PI4KA: variants seen among roughly 807,000 people sequenced by gnomAD.
The protein encoded by PI4KA is PI4-kinase alpha.
In PI4KA, 122 loss-of-function variants were observed where a neutral mutation model predicts 271.4. The ratio of observed to expected loss-of-function variants is 0.45; its 90% CI spans 0.39 to 0.52. The LOEUF is 0.52. PI4KA is among the 20% of genes least tolerant of loss of function. The pLI is 0.00. For missense variants in PI4KA, 1,969 were observed against 2,769.1 expected (o/e 0.71, Z 6.48); for synonymous variants, 1,041 against 1,078.8 (o/e 0.96, Z 0.69).
chr22:20,826,028 T>A (rs1379051106), intron 3 of PI4KA, among the ~76,000 whole-genome samples: 5 of 152,146 alleles, frequency 3.3e-5, no homozygotes, highest in African/African-American at 1.2e-4. Context: ...GGTCTCCAGC[T>A]CCATCCATGT....
Position 20,742,315 on chromosome 22 carries a change from G to A in PI4KA, c.3654C>T (p.Pro1218=). Residue 1218 remains proline, a synonymous_variant, in exon 32 of 55, where the codon CCC becomes CCT. Coordinates refer to ENST00000255882, the MANE Select transcript of PI4KA (RefSeq NM_058004.4). ...TGCCATGCTCATTGAACATCCGGAG[G>A]GGACCCCAGCACAGATGATGAAGGA... ...PQLLHHLCWG[P]LRMFNEHGME... is the part of the protein sequence containing the mutation. 1.2e-6 allele frequency: 2 copies of A among 1,614,182 alleles called. No homozygotes were observed. Among genetic ancestry groups the A allele is most frequent in the Non-Finnish European group, 1.7e-6 (2 of 1,180,028 alleles).
chr22:20,764,659 G>T, intron 22 of PI4KA, 158 bp downstream of exon 22: 1 of 632,498 alleles, frequency 1.6e-6, no homozygotes, highest in Non-Finnish European at 2.6e-6. Flanking sequence ...ATGAAGGAGG[G>T]GCATACGAGA....
At position 20,791,470 on chromosome 22, in the gene PI4KA, A is replaced by G. The variant is rs376335294; in HGVS notation, c.2328+1723T>C. 2.0e-4 allele frequency among the ~76,000 whole-genome samples: 30 copies of G among 152,100 alleles called. No individual in the cohort carries two copies. The South Asian group carries it at 2.9e-3, about 15-fold the overall frequency. ...AATTTCTGTTTTGAAAAATCAACCA[A>G]TGGGGCCAGGCATGGTGGTTCACGC... is the stretch of plus-strand genomic sequence containing the variant. On this transcript the variant is annotated intron_variant, in intron 19 of 54. Coordinates refer to ENST00000255882, the MANE Select transcript of PI4KA (RefSeq NM_058004.4).
intron 9 of PI4KA, among the ~76,000 whole-genome samples, chr22:20,808,986 T>C (rs1935839942): frequency 6.6e-6 from 1 of 152,048 alleles, no homozygotes. Context: ...AAAAGAATCA[T>C]GTGGAGAGTG....
intron 1 of PI4KA, among the ~76,000 whole-genome samples, chr22:20,843,672 C>T (rs994489249): frequency 2.6e-5 from 4 of 152,160 alleles, no homozygotes; most frequent in Non-Finnish European, 5.9e-5. Flanking sequence ...CAAACGTTCA[C>T]TTTCAGGCAG....
At chr22:20,732,350 AGCCTGGGAGAACAGG>A in intron 36 of PI4KA, among the ~76,000 whole-genome samples, 1 of 152,348 alleles carries the variant, frequency 6.6e-6, no homozygotes, top group African/African-American at 2.4e-5. Flanking sequence ...ACTGCACTCT[AGCCTGGGAGAACAGG>A]GCATGGCCTC....
In PI4KA at chr22:20,709,277, A is replaced by AG. The variant is rs1568940222; in HGVS notation, c.6257+18dup. ...GGCCACCGAGGCAGTGGGAGAAGGC[A>AG]GGGGGGCGGGGCACTCACCTGTTGC... On this transcript the variant is annotated intron_variant, in intron 54 of 54. Transcript: ENST00000255882. 2 of 1,000,478 alleles carry AG rather than the reference A, an allele frequency of 2.0e-6. No homozygotes were observed. Among genetic ancestry groups the AG allele is most frequent in the Non-Finnish European group, 1.6e-6 (1 of 641,324 alleles). The allele number at this position is 1,000,478 out of a possible 1,614,324, so 62.0% of individuals were successfully genotyped here. A position where few individuals can be genotyped will look rare whatever the true frequency, so the allele number is the denominator to read the frequency against.
At chr22:20,775,466 G>A (rs922373583) in intron 19 of PI4KA, among the ~76,000 whole-genome samples, 6 of 152,150 alleles carry the variant, frequency 3.9e-5, no homozygotes, top group African/African-American at 1.2e-4. Context: ...TGGGAACAGG[G>A]TATAAGAAGT....
chr22:20,834,878 CCTA>C (rs1924659224), intron 2 of PI4KA, among the ~76,000 whole-genome samples: 1 of 152,188 alleles, frequency 6.6e-6, no homozygotes, highest in South Asian at 2.1e-4. Context: ...ACCACAGGAG[CCTA>C]AGGAAGGGTT....
At chr22:20,746,979 G>A in intron 29 of PI4KA, among the ~76,000 whole-genome samples, 1 of 152,252 alleles carries the variant, frequency 6.6e-6, no homozygotes, top group South Asian at 2.1e-4. Flanking sequence ...GAGAGAGTTG[G>A]GAAGCACACA....
At chr22:20,777,072 T>C (rs1474595658) in intron 19 of PI4KA, among the ~76,000 whole-genome samples, 1 of 151,838 alleles carries the variant, frequency 6.6e-6, no homozygotes, top group Non-Finnish European at 1.5e-5. Flanking sequence ...TTTTTTGAGA[T>C]AAGGACTCAC....
intron 19 of PI4KA, chr22:20,779,924 G>A (rs1380552059): frequency 6.2e-7 from 1 of 1,614,214 alleles, no homozygotes; most frequent in South Asian, 1.1e-5. Flanking sequence ...TCTTCCGTAA[G>A]CTGACTCATC....
At chr22:20,764,128 A>C (rs994247985) in intron 22 of PI4KA, among the ~76,000 whole-genome samples, 3 of 152,260 alleles carry the variant, frequency 2.0e-5, no homozygotes, top group African/African-American at 7.2e-5. Flanking sequence ...TGACAACAGG[A>C]ATCATCATTT....
At chr22:20,801,361 G>A (rs1246144131) in intron 14 of PI4KA, among the ~76,000 whole-genome samples, 3 of 151,248 alleles carry the variant, frequency 2.0e-5, no homozygotes, top group African/African-American at 4.9e-5. Flanking sequence ...TGAGGCAGGC[G>A]GATCACGAGG....
rs2147204382 is a variant in PI4KA, at chr22:20,721,278, T to C, written c.5116+20A>G. On this transcript the variant is annotated intron_variant, in intron 43 of 54. Coordinates refer to ENST00000255882, the MANE Select transcript of PI4KA (RefSeq NM_058004.4). ...CACTGAAGACAGTAAGTGAGGCCTG[T>C]GGGAGGACAAAATACTCACGGTCTT... The C allele has an allele frequency of 6.2e-7, 1 of 1,613,462 alleles. No homozygotes were observed. The highest frequency in any genetic ancestry group is 8.5e-7 in the Non-Finnish European group (1 of 1,179,752).
In PI4KA at chr22:20,800,977, G is replaced by A. The variant is rs180854775; in HGVS notation, c.1724+996C>T. 9.1e-3 allele frequency among the ~76,000 whole-genome samples: 1,346 copies of A among 147,320 alleles called. 24 individuals are homozygous for A. Among genetic ancestry groups the A allele is most frequent in the African/African-American group, 0.031 (1,251 of 40,230 alleles). On this transcript the variant is annotated intron_variant, in intron 14 of 54. Coordinates refer to ENST00000255882, the MANE Select transcript of PI4KA (RefSeq NM_058004.4). ...ACAATCTCGGCTCACCGCAACCTCCGCCTCCCGGGTTCAAGTGATTCTCCT... is the reference window on the plus strand; with the variant it reads ...ACAATCTCGGCTCACCGCAACCTCCACCTCCCGGGTTCAAGTGATTCTCCT...
chr22:20,780,988 A>C (rs955498578), intron 19 of PI4KA, among the ~76,000 whole-genome samples: 1 of 152,186 alleles, frequency 6.6e-6, no homozygotes, highest in Non-Finnish European at 1.5e-5. Flanking sequence ...CAAAAGGCTA[A>C]AGAAATGCAC....
In PI4KA at chr22:20,799,231, G is replaced by A. The variant is rs750065268; in HGVS notation, c.1866C>T (p.His622=). 2.4e-5 allele frequency: 38 copies of A among 1,557,856 alleles called. No individual in the cohort carries two copies. Among genetic ancestry groups the A allele is most frequent in the Non-Finnish European group, 2.8e-5 (32 of 1,152,848 alleles). The stretch of plus-strand genomic sequence containing the variant: ...GGGTGTCCCTCAAGGCCACCGCAAT[G>A]TGTCCCAAGGCTCGGATTGTGTGGT... The part of the protein sequence containing the change: ...IPDHTIRALG[H]IAVALRDTPK... Residue 622 remains histidine, a synonymous_variant, in exon 16 of 55, where the codon CAC becomes CAT. Transcript: ENST00000255882.
At chr22:20,811,838 C>G (rs1408495417) in intron 8 of PI4KA, among the ~76,000 whole-genome samples, 1 of 151,462 alleles carries the variant, frequency 6.6e-6, no homozygotes, top group Non-Finnish European at 1.5e-5. Flanking sequence ...AAGGTGAAAC[C>G]CTGTTTCTAC....
Sources: allele counts gnomAD v4.1 joint callset (sites outside exome capture counted in the v4.1 genomes callset), GRCh38; gene constraint gnomAD v4.1.1; transcripts MANE v1.5; gene names NCBI Gene and HGNC (gene_info 2026-07-23, HGNC 2026-07-21).